The following THADA variants were observed in gnomAD, a reference collection of about 807,000 sequenced individuals.
The protein encoded by THADA is THADA armadillo repeat containing.
Under a neutral mutation model 219.8 loss-of-function variants are expected in THADA, and 213 were observed. That is an observed-to-expected ratio of 0.97 (90% CI 0.87 to 1.09). The LOEUF is 1.09. THADA is among the 50% of genes least tolerant of loss of function. The pLI, the probability that THADA is intolerant of heterozygous loss-of-function variation, is 0.00. For missense variants in THADA, 2,956 were observed against 2,311.3 expected (o/e 1.28, Z -5.72); for synonymous variants, 1,018 against 828.9 (o/e 1.23, Z -3.92).
intron 31 of THADA, among the ~76,000 whole-genome samples, chr2:43,294,430 G>A (rs868804765): frequency 6.6e-6 from 1 of 152,174 alleles, no homozygotes; most frequent in Admixed American, 6.5e-5. Context: ...CTGAGCAAAG[G>A]CTCAACAAAG....
chr2:43,524,898 A>T (rs1388929488), intron 22 of THADA, among the ~76,000 whole-genome samples: 1 of 152,232 alleles, frequency 6.6e-6, no homozygotes, highest in East Asian at 1.9e-4. Context: ...AACCACAGTT[A>T]TTCAAAAGCC....
At chr2:43,420,583 T>G (rs1318491683) in intron 28 of THADA, among the ~76,000 whole-genome samples, 1 of 152,160 alleles carries the variant, frequency 6.6e-6, no homozygotes, top group Non-Finnish European at 1.5e-5. Context: ...CAGATAACAC[T>G]GAAGAAAAGC....
At chr2:43,551,947 A>G (rs952140124) in intron 18 of THADA, 22 bp from the exon 19 acceptor site, 7 of 1,586,346 alleles carry the variant, frequency 4.4e-6, no homozygotes, top group Non-Finnish European at 4.3e-6. Context: ...ACATTAGGGA[A>G]ATTTATACTA....
At chr2:43,350,596 A>G (rs1668143410) in intron 29 of THADA, among the ~76,000 whole-genome samples, 1 of 152,212 alleles carries the variant, frequency 6.6e-6, no homozygotes, top group African/African-American at 2.4e-5. Context: ...TACTTATATC[A>G]TCTGTTCAGA....
intron 26 of THADA, among the ~76,000 whole-genome samples, chr2:43,439,198 C>T (rs1025693638): frequency 6.6e-5 from 10 of 152,066 alleles, no homozygotes; most frequent in African/African-American, 2.4e-4. Flanking sequence ...CGGAAAATTC[C>T]AGAACTAAAC....
intron 26 of THADA, among the ~76,000 whole-genome samples, chr2:43,447,317 T>C (rs1448762734): frequency 1.3e-5 from 2 of 152,110 alleles, no homozygotes; most frequent in Non-Finnish European, 2.9e-5. Flanking sequence ...ACCATATCTA[T>C]ATTACTCCAA....
intron 28 of THADA, among the ~76,000 whole-genome samples, chr2:43,405,306 T>C (rs1371746979): frequency 6.6e-6 from 1 of 152,232 alleles, no homozygotes; most frequent in Non-Finnish European, 1.5e-5. Context: ...TACGTGTGCA[T>C]GCATAAAAGA....
At chr2:43,235,406 G>T (rs1330296714) in intron 36 of THADA, among the ~76,000 whole-genome samples, 2 of 152,060 alleles carry the variant, frequency 1.3e-5, no homozygotes, top group African/African-American at 4.8e-5. Context: ...AGATTCTCCT[G>T]CCTCAGCCTC....
At chr2:43,461,181 T>G (rs972692526) in intron 26 of THADA, among the ~76,000 whole-genome samples, 1 of 152,204 alleles carries the variant, frequency 6.6e-6, no homozygotes, top group African/African-American at 2.4e-5. Flanking sequence ...AGTAACATAA[T>G]GAACTGTGTC....
At chr2:43,320,676 A>G (rs571527332) in intron 30 of THADA, 136 bp from the exon 31 acceptor site, 29 of 581,752 alleles carry the variant, frequency 5.0e-5, no homozygotes, top group African/African-American at 4.5e-4. Flanking sequence ...GAAATGATGT[A>G]CAATCATTGA....
chr2:43,335,202 T>A (rs527851529), intron 30 of THADA, among the ~76,000 whole-genome samples: 2 of 152,266 alleles, frequency 1.3e-5, no homozygotes, highest in East Asian at 3.9e-4. Flanking sequence ...ACATTTTCTT[T>A]CTGAGAATCA....
intron 19 of THADA, among the ~76,000 whole-genome samples, chr2:43,550,914 A>G (rs565675950): frequency 6.6e-6 from 1 of 152,324 alleles, no homozygotes; most frequent in South Asian, 2.1e-4. Flanking sequence ...TTGCTTGACA[A>G]GAGCAGCCTG....
intron 36 of THADA, among the ~76,000 whole-genome samples, chr2:43,272,388 G>A (rs1021495314): frequency 6.6e-6 from 1 of 152,210 alleles, no homozygotes; most frequent in Non-Finnish European, 1.5e-5. Flanking sequence ...GAGGCAGGAA[G>A]ACCAGGCTGT....
At position 43,425,946 on chromosome 2, in the gene THADA, G is replaced by C. The variant is rs534299792; in HGVS notation, c.4058+2154C>G. On this transcript the variant is annotated intron_variant, in intron 28 of 37. Transcript: ENST00000405975. ...CCAAAATAACCTTGTATTTTGGTTG[G>C]TGGCACTTCTGCTGTTGGTGATGTT... Among the ~76,000 whole-genome samples, 4 of 152,216 alleles carry C rather than the reference G, an allele frequency of 2.6e-5. No homozygotes were observed. In the South Asian group the frequency reaches 8.3e-4, roughly 32 times the overall value.
intron 29 of THADA, among the ~76,000 whole-genome samples, chr2:43,367,298 T>C (rs1480951304): frequency 6.6e-6 from 1 of 152,208 alleles, no homozygotes; most frequent in Non-Finnish European, 1.5e-5. Flanking sequence ...AACTGTGCAC[T>C]TAAAAATGGT....
chr2:43,306,877 A>C (rs920907496), intron 31 of THADA, among the ~76,000 whole-genome samples: 7 of 152,178 alleles, frequency 4.6e-5, no homozygotes, highest in African/African-American at 1.2e-4. Flanking sequence ...TATCAGTTTT[A>C]TCTCTTGATA....
At chr2:43,242,449 C>G (rs1215648920) in intron 36 of THADA, among the ~76,000 whole-genome samples, 1 of 152,142 alleles carries the variant, frequency 6.6e-6, no homozygotes, top group Non-Finnish European at 1.5e-5. Flanking sequence ...AGATACAAAT[C>G]CAGGCTTATC....
intron 28 of THADA, among the ~76,000 whole-genome samples, chr2:43,416,756 A>C (rs990336984): frequency 6.6e-6 from 1 of 152,184 alleles, no homozygotes; most frequent in Non-Finnish European, 1.5e-5. Flanking sequence ...AAGATATAAA[A>C]TTGGCAAACC....
At chr2:43,548,289 C>T (rs905611649) in intron 20 of THADA, among the ~76,000 whole-genome samples, 7 of 152,200 alleles carry the variant, frequency 4.6e-5, no homozygotes, top group African/African-American at 1.7e-4. Context: ...GGGGGTGCCT[C>T]CCAGTTAGGC....
Sources: allele counts gnomAD v4.1 joint callset (sites outside exome capture counted in the v4.1 genomes callset), GRCh38; gene constraint gnomAD v4.1.1; transcripts MANE v1.5; gene names NCBI Gene and HGNC (gene_info 2026-07-23, HGNC 2026-07-21).